Variants in ITGAL observed in about 807,000 individuals in gnomAD.
The protein encoded by ITGAL is integrin subunit alpha L.
In ITGAL, 68 loss-of-function variants were observed where a neutral mutation model predicts 138.4. The observed-to-expected ratio is 0.49, with a 90% CI of 0.40 to 0.60. ITGAL has a LOEUF of 0.60. ITGAL is among the 20% of genes least tolerant of loss of function. The probability of loss-of-function intolerance (pLI) is 0.00; values close to 1 mark genes in which losing one functional copy is unlikely to be tolerated. For missense variants in ITGAL, 1,256 were observed against 1,478.6 expected (o/e 0.85, Z 2.47); for synonymous variants, 561 against 584.3 (o/e 0.96, Z 0.57).
At chr16:30,493,024 C>T (rs2050745833) in intron 11 of ITGAL, among the ~76,000 whole-genome samples, 1 of 151,544 alleles carries the variant, frequency 6.6e-6, no homozygotes, top group Non-Finnish European at 1.5e-5. Context: ...TACCTGGGAT[C>T]ACAGGTGTGC....
intron 13 of ITGAL, 88 bp from the exon 14 acceptor site, chr16:30,496,009 C>A: frequency 9.0e-7 from 1 of 1,111,204 alleles, no homozygotes; most frequent in Non-Finnish European, 1.4e-6. Context: ...GGGACCCCAT[C>A]TTACGTTTCT....
intron 24 of ITGAL, among the ~76,000 whole-genome samples, chr16:30,513,387 A>G (rs2051118156): frequency 6.6e-6 from 1 of 152,054 alleles, no homozygotes; most frequent in African/African-American, 2.4e-5. Flanking sequence ...AGGACTAGAG[A>G]GTGATGTTGG....
At chr16:30,493,340 C>T (rs1400772185) in intron 11 of ITGAL, among the ~76,000 whole-genome samples, 3 of 150,994 alleles carry the variant, frequency 2.0e-5, no homozygotes, top group Non-Finnish European at 2.9e-5. Context: ...AGTGTAGTAG[C>T]GAAATCTCAG....
At chr16:30,479,558 G>T (rs1460482902) in intron 6 of ITGAL, 97 bp downstream of exon 6, 2 of 1,219,904 alleles carry the variant, frequency 1.6e-6, no homozygotes, top group African/African-American at 3.0e-5. Context: ...GGAATCCTCA[G>T]AGCCTATGGG....
At chr16:30,473,441 C>A (rs1467172149) in intron 1 of ITGAL, among the ~76,000 whole-genome samples, 2 of 152,144 alleles carry the variant, frequency 1.3e-5, no homozygotes, top group Non-Finnish European at 2.9e-5. Context: ...TCTTAAACAA[C>A]AAACAAACAA....
At position 30,521,681 on chromosome 16, in the gene ITGAL, G is replaced by C. The variant is rs761097753; in HGVS notation, c.*16G>C. 5.6e-6 allele frequency: 9 copies of C among 1,611,496 alleles called. No individual in the cohort carries two copies. The South Asian group carries it at 8.8e-5, about 16-fold the overall frequency. On this transcript the variant is annotated 3_prime_UTR_variant, in exon 31 of 31. Transcript: ENST00000356798. ...CAAGGACTGAGTCCAGGCCTGTGAGGTGCAGAGTGCCCAGAACTGGACTCA... is the reference window on the plus strand; with the variant it reads ...CAAGGACTGAGTCCAGGCCTGTGAGCTGCAGAGTGCCCAGAACTGGACTCA...
In ITGAL at chr16:30,516,978, G is replaced by T; in HGVS notation, c.2868G>T (p.Arg956Ser). 6.2e-7 allele frequency: 1 copy of T among 1,612,184 alleles called. No homozygotes were observed. The highest frequency in any genetic ancestry group is 8.5e-7 in the Non-Finnish European group (1 of 1,178,300). ...TCCCTTGTCCTCTGTGCCAGGTGAG[G>T]ATCCAGCCTTCCATCCACGACCACA... ...IHQVKHMYQV[R>S]IQPSIHDHNI... The change falls in exon 26 of 31, where the codon AGG (arginine) becomes AGT (serine). Residue 956 changes from arginine to serine, a missense_variant. Arg to Ser is a moderately radical substitution (Grantham distance 110). This residue lies in a region of ITGAL where 867 missense variants were observed against 972.5 expected (regional missense o/e 0.89). Coordinates refer to ENST00000356798, the MANE Select transcript of ITGAL (RefSeq NM_002209.3).
chr16:30,476,886 G>A lies in ITGAL; in HGVS notation c.327+1306G>A, dbSNP rs1163953387. Reference sequence around the variant, plus strand: ...TGACCTGAGGTGATCTGCCCGCCTCGGCCTCCCAAAATGCTGGGATTACAG... The same window carrying A: ...TGACCTGAGGTGATCTGCCCGCCTCAGCCTCCCAAAATGCTGGGATTACAG... On this transcript the variant is annotated intron_variant, in intron 4 of 30. Transcript: ENST00000356798. Among the ~76,000 whole-genome samples the A allele has an allele frequency of 5.9e-5, 9 of 151,988 alleles. No homozygotes were observed. The East Asian group carries it at 1.2e-3, about 19-fold the overall frequency.
chr16:30,474,120 TG>T, intron 1 of ITGAL, 75 bp from the exon 2 acceptor site: 4 of 1,111,116 alleles, frequency 3.6e-6, no homozygotes, highest in Non-Finnish European at 5.3e-6. Context: ...CGGGTGGGCC[TG>T]GGATCGGCCA....
Position 30,494,825 on chromosome 16 carries a change from G to A in ITGAL, c.1478G>A (p.Arg493Gln), listed in dbSNP as rs769182654. Reference protein sequence around the residue: ...PLFYGEQRGGRVFIYQRRQLG... With the variant: ...PLFYGEQRGGQVFIYQRRQLG... ...TTCTATGGGGAGCAGAGAGGAGGCC[G>A]GGTGTTTATCTACCAGAGAAGACAG... The change falls in exon 13 of 31, where the codon CGG becomes CAG. Residue 493 changes from arginine (R) to glutamine (Q), a missense_variant. Arg to Gln is a conservative substitution (Grantham distance 43, BLOSUM62 1). Coordinates refer to ENST00000356798, the MANE Select transcript of ITGAL (RefSeq NM_002209.3). This position sits in a 1 kb window ranked among gnomAD's most constrained non-coding sequence, Gnocchi z 4.2. The A allele has an allele frequency of 2.5e-6, 4 of 1,605,354 alleles. No homozygotes were observed. Among genetic ancestry groups the A allele is most frequent in the East Asian group, 2.2e-5 (1 of 44,600 alleles).
intron 24 of ITGAL, among the ~76,000 whole-genome samples, chr16:30,512,044 C>T (rs982703934): frequency 6.6e-6 from 1 of 152,148 alleles, no homozygotes; most frequent in Non-Finnish European, 1.5e-5. Context: ...CTTCTTGGTC[C>T]TTGGTCAGGT....
intron 9 of ITGAL, chr16:30,488,877 A>T: frequency 1.8e-6 from 1 of 564,560 alleles, no homozygotes; most frequent in Non-Finnish European, 3.2e-6. Context: ...ACCTTGTTTC[A>T]ACAACAAAAA....
Position 30,499,138 on chromosome 16 carries a change from G to C in ITGAL, c.1897G>C (p.Glu633Gln). 6.2e-7 allele frequency: 1 copy of C among 1,614,132 alleles called. No individual in the cohort carries two copies. Residue 633 changes from glutamate (E) to glutamine (Q), a missense_variant, in exon 16 of 31, where the codon GAA becomes CAA. Glu to Gln is a conservative substitution (Grantham distance 29). Coordinates refer to ENST00000356798, the MANE Select transcript of ITGAL (RefSeq NM_002209.3). Reference sequence around the variant, plus strand: ...CTCTCCAGCTGAGATCCCAGTGCATGAAGTGGAGTGCTCCTATTCAACCAG... The same window carrying C: ...CTCTCCAGCTGAGATCCCAGTGCATCAAGTGGAGTGCTCCTATTCAACCAG... ...SFSPAEIPVH[E>Q]VECSYSTSNK...
chr16:30,501,303 C>T (rs1437291319), intron 17 of ITGAL, among the ~76,000 whole-genome samples: 1 of 151,690 alleles, frequency 6.6e-6, no homozygotes, highest in Non-Finnish European at 1.5e-5. Flanking sequence ...TGGCTGGGCA[C>T]GGTGGTTCAT....
chr16:30,506,951 G>A (rs3087442), intron 21 of ITGAL, 95 bp downstream of exon 21: 15,689 of 1,360,102 alleles, frequency 0.012, 158 homozygotes, highest in Middle Eastern at 0.021. Context: ...CTGAACACAT[G>A]GGCAGCTGCG....
intron 27 of ITGAL, 38 bp downstream of exon 27, chr16:30,517,743 G>C: frequency 6.2e-7 from 1 of 1,612,616 alleles, no homozygotes; most frequent in Non-Finnish European, 8.5e-7. Context: ...GGGGCTGGGC[G>C]GTACACGGGT....
At chr16:30,501,577 CAAA>C (rs56687910) in intron 17 of ITGAL, among the ~76,000 whole-genome samples, 5 of 117,558 alleles carry the variant, frequency 4.3e-5, no homozygotes, top group Admixed American at 8.4e-5. Context: ...AACTCCATCT[CAAA>C]AAAAAAAAAA....
intron 20 of ITGAL, 25 bp from the exon 21 acceptor site, chr16:30,506,690 A>G: frequency 1.9e-6 from 3 of 1,598,280 alleles, no homozygotes; most frequent in Non-Finnish European, 2.6e-6. Flanking sequence ...TCCCTCCTCC[A>G]TCTTTCCCTG....
chr16:30,504,749 G>T (rs1404518885), intron 18 of ITGAL: 1 of 155,680 alleles, frequency 6.4e-6, no homozygotes, highest in Non-Finnish European at 1.4e-5. Context: ...GGGTGTTGTG[G>T]CTCACACCTG....
Sources: gnomAD v4.1 joint callset for allele counts (sites outside exome capture counted in the v4.1 genomes callset) on GRCh38, gnomAD v4.1.1 for gene constraint, gnomAD v4.1.1 regional missense constraint, Gnocchi (gnomAD v3.1) non-coding constraint, MANE v1.5 for transcripts, NCBI Gene and HGNC (gene_info 2026-07-23, HGNC 2026-07-21) for gene names.